The following COLEC10 variants were observed in gnomAD, a reference collection of about 807,000 sequenced individuals.
The protein encoded by COLEC10 is collectin-10.
Under a neutral mutation model 28.4 loss-of-function variants are expected in COLEC10, and 22 were observed. The ratio of observed to expected loss-of-function variants is 0.78; its 90% confidence interval spans 0.55 to 1.11. The LOEUF is 1.11. Ranked by LOEUF, COLEC10 falls within the 50% of genes least tolerant of loss-of-function variation. The pLI is 0.00. For synonymous variants in COLEC10, 125 were observed against 116.1 expected, an observed-to-expected ratio of 1.08 and a Z score of -0.49; for missense variants, 361 against 344.1, an observed-to-expected ratio of 1.05 and a Z score of -0.39.
chr8:118,966,830 C>T, the COLEC10 span, among the ~76,000 whole-genome samples: 3 of 151,972 alleles, frequency 2.0e-5, no homozygotes, highest in South Asian at 2.1e-4. Flanking sequence ...GAAAAGGGGC[C>T]GCAAAGGATC....
intron 2 of COLEC10, among the ~76,000 whole-genome samples, chr8:119,011,467 G>A (rs1249518092): frequency 9.0e-6 from 1 of 111,326 alleles, no homozygotes; most frequent in Non-Finnish European, 1.7e-5. Flanking sequence ...TTGGTCATTT[G>A]CCTCTCCATA....
At chr8:118,966,482 T>C in the COLEC10 span, among the ~76,000 whole-genome samples, 1 of 152,142 alleles carries the variant, frequency 6.6e-6, no homozygotes, top group South Asian at 2.1e-4. Context: ...TATGAAGTAA[T>C]GCAAGGAGAT....
At chr8:119,068,947 T>A (rs954776447) in intron 1 of COLEC10, among the ~76,000 whole-genome samples, 65 of 151,856 alleles carry the variant, frequency 4.3e-4, no homozygotes, top group African/African-American at 1.5e-3. Flanking sequence ...TTATTCTTAA[T>A]AAAATTCTTA....
chr8:118,973,866 A>G, the COLEC10 span, among the ~76,000 whole-genome samples: 6 of 151,974 alleles, frequency 3.9e-5, no homozygotes, highest in Non-Finnish European at 8.8e-5. Flanking sequence ...AATAGACTCC[A>G]AATTTTTCAC....
intron 2 of COLEC10, among the ~76,000 whole-genome samples, chr8:119,059,373 T>C (rs893188213): frequency 8.6e-5 from 13 of 152,032 alleles, no homozygotes; most frequent in Admixed American, 8.5e-4. Context: ...TTTCAGTAAA[T>C]TTTTGTGTAT....
At chr8:119,084,483 T>C (rs1815430530) in intron 1 of COLEC10, among the ~76,000 whole-genome samples, 1 of 152,246 alleles carries the variant, frequency 6.6e-6, no homozygotes, top group African/African-American at 2.4e-5. Flanking sequence ...ATGATTTGTT[T>C]TCAAAGGACT....
chr8:118,958,117 A>G, the COLEC10 span, among the ~76,000 whole-genome samples: 1 of 152,216 alleles, frequency 6.6e-6, no homozygotes, highest in Non-Finnish European at 1.5e-5. Flanking sequence ...GAGAGAAAGA[A>G]TGGGACTTGG....
the COLEC10 span, among the ~76,000 whole-genome samples, chr8:118,981,996 C>T: frequency 2.1e-4 from 31 of 147,530 alleles, no homozygotes; most frequent in Non-Finnish European, 7.5e-5. Flanking sequence ...ATCACCCCTA[C>T]TTTTTTTTTT....
At chr8:119,100,080 T>C (rs1185036890) in intron 3 of COLEC10, among the ~76,000 whole-genome samples, 1 of 152,216 alleles carries the variant, frequency 6.6e-6, no homozygotes, top group Non-Finnish European at 1.5e-5. Context: ...TACAATCTTT[T>C]AAGTGCATAA....
At position 119,105,982 on chromosome 8, in the gene COLEC10, A is replaced by G. The variant is rs1282695115; in HGVS notation, c.625A>G (p.Ile209Val). 1.9e-6 allele frequency: 3 copies of G among 1,613,702 alleles called. No homozygotes were observed. In the African/African-American group the frequency reaches 4.0e-5, roughly 22 times the overall value. ...VAKSGFFRVFIGVNDLEREGQ... is the reference protein window; with the variant it reads ...VAKSGFFRVFVGVNDLEREGQ... The stretch of plus-strand genomic sequence containing the variant: ...CAAGAGTGGCTTCTTTCGGGTGTTC[A>G]TTGGCGTGAATGACCTTGAAAGGGA... The change falls in exon 6 of 6, where the codon ATT becomes GTT. Residue 209 changes from isoleucine to valine, a missense_variant. Coordinates refer to ENST00000332843, the MANE Select transcript of COLEC10 (RefSeq NM_006438.5).
intron 1 of COLEC10, among the ~76,000 whole-genome samples, chr8:118,996,338 C>T (rs1041987665): frequency 6.6e-6 from 1 of 152,138 alleles, no homozygotes; most frequent in Non-Finnish European, 1.5e-5. Flanking sequence ...GCGCATATCA[C>T]TTTGAGATCT....
the COLEC10 span, among the ~76,000 whole-genome samples, chr8:118,980,500 A>T: frequency 3.3e-5 from 5 of 151,900 alleles, no homozygotes; most frequent in African/African-American, 9.7e-5. Flanking sequence ...ACCCCATTAA[A>T]CATTCTTTAA....
At chr8:118,988,003 G>A in the COLEC10 span, among the ~76,000 whole-genome samples, 2 of 152,088 alleles carry the variant, frequency 1.3e-5, no homozygotes, top group African/African-American at 2.4e-5. Flanking sequence ...AGAACCAGGG[G>A]CTCATGGCAA....
chr8:119,011,144 T>C (rs558808705), intron 2 of COLEC10, among the ~76,000 whole-genome samples: 1 of 151,208 alleles, frequency 6.6e-6, no homozygotes, highest in South Asian at 2.1e-4. Flanking sequence ...TGATTCATTT[T>C]GAGTTAATTT....
rs933240154 is a variant in COLEC10, at chr8:119,103,825, C to T, written c.372C>T (p.Tyr124=). The change falls in exon 5 of 6, where the codon TAC becomes TAT. Residue 124 remains tyrosine (Y), a synonymous_variant. Coordinates refer to ENST00000332843, the MANE Select transcript of COLEC10 (RefSeq NM_006438.5). ...KAGTVCDCGR[Y]RKFVGQLDIS... Reference sequence around the variant, plus strand: ...GTACTGTCTGTGATTGTGGAAGATACCGGAAATTTGTTGGACAACTGGATA... The same window carrying T: ...GTACTGTCTGTGATTGTGGAAGATATCGGAAATTTGTTGGACAACTGGATA... 2.5e-6 allele frequency: 4 copies of T among 1,612,124 alleles called. No individual in the cohort carries two copies. Among genetic ancestry groups the T allele is most frequent in the African/African-American group, 1.3e-5 (1 of 74,782 alleles).
At chr8:119,086,082 C>T (rs1027975888) in intron 1 of COLEC10, among the ~76,000 whole-genome samples, 2 of 152,134 alleles carry the variant, frequency 1.3e-5, no homozygotes, top group Admixed American at 1.3e-4. Context: ...GTAAAGGGTA[C>T]TGGCCTGGAT....
At chr8:119,088,195 AGGAG>A (rs1167212879) in intron 1 of COLEC10, among the ~76,000 whole-genome samples, 1 of 151,018 alleles carries the variant, frequency 6.6e-6, no homozygotes, top group Non-Finnish European at 1.5e-5. Context: ...AAGGAAGGGA[AGGAG>A]GGAGGGAGGG....
chr8:119,076,383 T>C (rs1815236568), intron 1 of COLEC10, among the ~76,000 whole-genome samples: 1 of 151,888 alleles, frequency 6.6e-6, no homozygotes, highest in African/African-American at 2.4e-5. Flanking sequence ...TGCCTCAGCC[T>C]CCTGAGTAGC....
At chr8:119,089,798 T>G in intron 2 of COLEC10, 47 bp downstream of exon 2, 1 of 1,492,864 alleles carries the variant, frequency 6.7e-7, no homozygotes, top group Non-Finnish European at 9.3e-7. Context: ...ATAATTGTTC[T>G]TCTATCTCTC....
Sources: allele counts gnomAD v4.1 joint callset (sites outside exome capture counted in the v4.1 genomes callset), GRCh38; gene constraint gnomAD v4.1.1; transcripts MANE v1.5; gene names NCBI Gene and HGNC (gene_info 2026-07-23, HGNC 2026-07-21).